The following LARP4 variants were observed in gnomAD, a reference collection of about 807,000 sequenced individuals.
LARP4 encodes the protein la-related protein 4.
A neutral mutation model predicts 92.9 loss-of-function variants in LARP4; 29 were observed. The observed-to-expected ratio is 0.31, with a 90% CI of 0.23 to 0.43. LARP4 has a LOEUF of 0.43. Among genes scored for constraint, LARP4 ranks in the 20% least tolerant of loss-of-function variants. The pLI, the probability that LARP4 is intolerant of heterozygous loss-of-function variation, is 1.00. For synonymous variants in LARP4, 279 were observed against 284.1 expected (o/e 0.98, Z 0.18); for missense variants, 732 against 860.0 (o/e 0.85, Z 1.86).
chr12:50,457,449 T>C (rs550480749), intron 10 of LARP4, among the ~76,000 whole-genome samples: 1 of 152,138 alleles, frequency 6.6e-6, no homozygotes, highest in South Asian at 2.1e-4. Context: ...TCAGGTGATC[T>C]ACCCGCCTTG....
intron 11 of LARP4, 30 bp downstream of exon 11, chr12:50,461,377 G>C: frequency 1.3e-6 from 2 of 1,571,664 alleles, no homozygotes; most frequent in Non-Finnish European, 1.7e-6. Flanking sequence ...GAAAACCTTT[G>C]ATAATAATGT....
At chr12:50,416,675 C>T (rs1024946599) in intron 1 of LARP4, among the ~76,000 whole-genome samples, 4 of 151,854 alleles carry the variant, frequency 2.6e-5, no homozygotes, top group African/African-American at 9.7e-5. Flanking sequence ...CAGAGTGAGA[C>T]CCCATCTCAA....
At position 50,474,162 on chromosome 12, in the gene LARP4, C is replaced by G. The variant is rs1459080848; in HGVS notation, c.1831C>G (p.Leu611Val). 5 of 1,593,538 alleles carry G rather than the reference C, an allele frequency of 3.1e-6. No homozygotes were observed. The South Asian group carries it at 5.8e-5, about 18-fold the overall frequency. ...CATAAATGCAGCTACAGCTGTGGCTCTACAGGTAACTTGAAGATTTTAGTT... is the reference window on the plus strand; with the variant it reads ...CATAAATGCAGCTACAGCTGTGGCTGTACAGGTAACTTGAAGATTTTAGTT... ...NNINAATAVA[L>V]QEPRKLSYAE... Residue 611 changes from leucine (L) to valine (V), a missense_variant, in exon 15 of 16, where the codon CTA (leucine) becomes GTA (valine). By Grantham distance (32) the Leu-to-Val change is conservative. This residue lies in a region of LARP4 where 4 missense variants were observed against 17.7 expected (regional missense o/e 0.23). Coordinates refer to ENST00000398473, the MANE Select transcript of LARP4 (RefSeq NM_052879.5).
At chr12:50,436,268 C>G (rs987534695) in intron 5 of LARP4, among the ~76,000 whole-genome samples, 6 of 151,296 alleles carry the variant, frequency 4.0e-5, no homozygotes, top group Admixed American at 6.6e-5. Context: ...ATATCCTGCT[C>G]AGCCTCCCAA....
At chr12:50,450,376 C>T (rs1952972341) in intron 8 of LARP4, among the ~76,000 whole-genome samples, 1 of 152,176 alleles carries the variant, frequency 6.6e-6, no homozygotes, top group Non-Finnish European at 1.5e-5. Context: ...TTGTGGACCA[C>T]TGCCTAGACA....
intron 10 of LARP4, among the ~76,000 whole-genome samples, chr12:50,459,822 C>CAA (rs59855735): frequency 5.5e-4 from 55 of 99,840 alleles, no homozygotes; most frequent in African/African-American, 2.6e-3. Context: ...GACTCCGTAT[C>CAA]AAAAAAAAAA....
chr12:50,417,474 C>T (rs1371729803), intron 1 of LARP4, among the ~76,000 whole-genome samples: 1 of 152,024 alleles, frequency 6.6e-6, no homozygotes, highest in Non-Finnish European at 1.5e-5. Context: ...AGTTGTCTTC[C>T]TCCCTGAGCT....
At chr12:50,436,101 GGTGTGTGTGTGTGTGTGTGATATGT>G (rs1277936838) in intron 5 of LARP4, among the ~76,000 whole-genome samples, 4 of 134,904 alleles carry the variant, frequency 3.0e-5, no homozygotes, top group African/African-American at 8.9e-5. Flanking sequence ...GTATCCCGCT[GGTGTGTGTGTGTGTGTGTGATATGT>G]GTGTGTGTGT....
chr12:50,466,763 A>C (rs1956205727), intron 12 of LARP4, among the ~76,000 whole-genome samples, 196 bp from the exon 13 acceptor site: 1 of 152,222 alleles, frequency 6.6e-6, no homozygotes, highest in South Asian at 2.1e-4. Flanking sequence ...GAAGTGACTA[A>C]AGAAAAGTAG....
chr12:50,474,891 A>T (rs1957377917), intron 15 of LARP4, among the ~76,000 whole-genome samples: 1 of 152,230 alleles, frequency 6.6e-6, no homozygotes, highest in Admixed American at 6.5e-5. Flanking sequence ...AGAAAAGCAG[A>T]ACAAAACACA....
At chr12:50,401,140 A>G in intron 1 of LARP4, 112 bp downstream of exon 1, 1 of 1,229,860 alleles carries the variant, frequency 8.1e-7, no homozygotes, top group Non-Finnish European at 1.2e-6. Flanking sequence ...CGGAACCGGC[A>G]GATAGGCTGA....
intron 8 of LARP4, among the ~76,000 whole-genome samples, chr12:50,450,092 C>A (rs900656874): frequency 6.6e-6 from 1 of 151,910 alleles, no homozygotes; most frequent in Non-Finnish European, 1.5e-5. Flanking sequence ...CACCACCACG[C>A]CCAGCTAATT....
intron 1 of LARP4, among the ~76,000 whole-genome samples, chr12:50,413,332 A>G (rs982914826): frequency 2.0e-5 from 3 of 152,172 alleles, no homozygotes. Context: ...AGCATGCAAA[A>G]AGACATCACT....
At chr12:50,475,412 T>C (rs1371649522) in intron 15 of LARP4, 114 bp from the exon 16 acceptor site, 10 of 809,456 alleles carry the variant, frequency 1.2e-5, no homozygotes, top group African/African-American at 1.7e-5. Context: ...GAGTGCTTGT[T>C]GCCCTTTTCT....
intron 1 of LARP4, among the ~76,000 whole-genome samples, chr12:50,407,286 AGTGCTG>A (rs2136289804): frequency 1.3e-5 from 2 of 152,218 alleles, no homozygotes; most frequent in South Asian, 4.2e-4. Flanking sequence ...GGCCTCCCAA[AGTGCTG>A]GGATTACGGG....
intron 8 of LARP4, among the ~76,000 whole-genome samples, chr12:50,446,296 G>A (rs1186236894): frequency 3.3e-5 from 4 of 121,624 alleles, no homozygotes; most frequent in East Asian, 2.7e-4. Flanking sequence ...GTGAGCCACC[G>A]CGCCTGACCA....
intron 8 of LARP4, among the ~76,000 whole-genome samples, chr12:50,452,217 A>G (rs775800406): frequency 1.4e-4 from 21 of 151,948 alleles, no homozygotes; most frequent in South Asian, 2.1e-4. Flanking sequence ...CGGTACTTCT[A>G]TTTTTAACTT....
intron 1 of LARP4, among the ~76,000 whole-genome samples, chr12:50,417,341 C>T (rs567453891): frequency 6.8e-6 from 1 of 146,046 alleles, no homozygotes; most frequent in South Asian, 2.2e-4. Context: ...TGTCACTGCG[C>T]TCCAGCCTGG....
intron 1 of LARP4, among the ~76,000 whole-genome samples, chr12:50,408,587 C>T (rs17119778): frequency 0.71 from 107,852 of 152,020 alleles, 44,387 homozygotes; most frequent in Non-Finnish European, 0.93. Context: ...ACAAATAGTT[C>T]GATAGTATTT....
Sources: allele counts gnomAD v4.1 joint callset (sites outside exome capture counted in the v4.1 genomes callset), GRCh38; gene constraint gnomAD v4.1.1; regional missense constraint gnomAD v4.1.1; transcripts MANE v1.5; gene names NCBI Gene and HGNC (gene_info 2026-07-23, HGNC 2026-07-21).